The following DNAH12 variants were observed in gnomAD, a reference collection of about 807,000 sequenced individuals.
DNAH12 encodes the protein axonemal beta dynein heavy chain 12.
In DNAH12, 285 loss-of-function variants were observed where a neutral mutation model predicts 371.5. The observed-to-expected ratio is 0.77, with a 90% CI of 0.70 to 0.85. The LOEUF (loss-of-function observed/expected upper bound fraction) is 0.85, where lower values mean the gene tolerates loss of function less well. Among genes scored for constraint, DNAH12 ranks in the 40% least tolerant of loss-of-function variants. The probability of loss-of-function intolerance (pLI) is 0.00; values close to 1 mark genes in which losing one functional copy is unlikely to be tolerated. For missense variants in DNAH12, 3,611 were observed against 3,689.4 expected, an observed-to-expected ratio of 0.98 and a Z score of 0.55; for synonymous variants, 1,200 against 1,213.0, an observed-to-expected ratio of 0.99 and a Z score of 0.22.
chr3:57,507,387 C>G (rs1480347249), intron 8 of DNAH12, among the ~76,000 whole-genome samples: 1 of 152,034 alleles, frequency 6.6e-6, no homozygotes, highest in Non-Finnish European at 1.5e-5. Flanking sequence ...CCAAATAAAG[C>G]TATAATTAAC....
At position 57,543,448 on chromosome 3, in the gene DNAH12, G is replaced by A. The variant is rs139777141; in HGVS notation, c.-33-545C>T. ...AGTGGTTCTCCTGCTTCAGCCTCCCGAGTAGCTAGGACTACAGGTGCGCAA... is the reference window on the plus strand; with the variant it reads ...AGTGGTTCTCCTGCTTCAGCCTCCCAAGTAGCTAGGACTACAGGTGCGCAA... On this transcript the variant is annotated intron_variant, in intron 1 of 73. Transcript: ENST00000495027. 1.5e-3 allele frequency among the ~76,000 whole-genome samples: 222 copies of A among 145,190 alleles called. 1 individual carries two copies. The highest frequency in any genetic ancestry group is 5.5e-3 in the African/African-American group (215 of 38,780).
chr3:57,432,446 C>G (rs1412387335), intron 32 of DNAH12, among the ~76,000 whole-genome samples: 1 of 151,644 alleles, frequency 6.6e-6, no homozygotes, highest in Non-Finnish European at 1.5e-5. Context: ...TCCCAAAGTG[C>G]TGGGATAACA....
At chr3:57,414,509 A>G (rs2064304254) in intron 38 of DNAH12, among the ~76,000 whole-genome samples, 1 of 152,096 alleles carries the variant, frequency 6.6e-6, no homozygotes, top group Non-Finnish European at 1.5e-5. Flanking sequence ...ATAGTACCCA[A>G]TAGGCAGTTT....
intron 5 of DNAH12, among the ~76,000 whole-genome samples, chr3:57,510,390 G>A (rs541962373): frequency 1.3e-5 from 2 of 152,262 alleles, no homozygotes; most frequent in East Asian, 3.9e-4. Context: ...TGTAATCCCA[G>A]CACTTTGGGA....
chr3:57,486,090 A>T (rs1420122634), intron 12 of DNAH12, among the ~76,000 whole-genome samples: 1 of 151,524 alleles, frequency 6.6e-6, no homozygotes, highest in African/African-American at 2.4e-5. Context: ...ATGGTGGCAC[A>T]TGCCTGCAGC....
At chr3:57,409,285 T>C (rs1553682314) in intron 39 of DNAH12, among the ~76,000 whole-genome samples, 1 of 152,076 alleles carries the variant, frequency 6.6e-6, no homozygotes, top group African/African-American at 2.4e-5. Context: ...GAGGCTGGGG[T>C]AGGAGTCTAT....
intron 19 of DNAH12, 46 bp from the exon 20 acceptor site, chr3:57,459,832 G>T: frequency 7.9e-7 from 1 of 1,268,452 alleles, no homozygotes; most frequent in Non-Finnish European, 1.0e-6. Context: ...TTAAAGAAAG[G>T]CTATAAATTA....
intron 40 of DNAH12, among the ~76,000 whole-genome samples, chr3:57,406,373 A>G (rs2064028741): frequency 6.7e-6 from 1 of 149,410 alleles, no homozygotes; most frequent in Admixed American, 6.7e-5. Context: ...AAAAAAAAAG[A>G]AAAAAAAAGA....
At chr3:57,324,412 CATG>C (rs1456015364) in intron 62 of DNAH12, among the ~76,000 whole-genome samples, 2 of 152,078 alleles carry the variant, frequency 1.3e-5, no homozygotes, top group Admixed American at 1.3e-4. Flanking sequence ...CCTGGGAGGC[CATG>C]ATATCTTGAT....
chr3:57,498,160 A>T (rs2067381477), intron 11 of DNAH12: 1 of 221,976 alleles, frequency 4.5e-6, no homozygotes, highest in African/African-American at 2.3e-5. Context: ...AAAAAGACTG[A>T]TAATCTAGAT....
chr3:57,301,693 C>G (rs2061349271), intron 70 of DNAH12, 42 bp downstream of exon 70: 2 of 1,083,018 alleles, frequency 1.8e-6, no homozygotes, highest in Middle Eastern at 2.4e-4. Flanking sequence ...CACACACACA[C>G]ACACACACAC....
rs72869863 is a variant in DNAH12 at position 57,503,989 on chromosome 3, C to A, written c.1086+27G>T. 1.6e-3 allele frequency: 2,453 copies of A among 1,580,208 alleles called. 25 individuals carry two copies. The African/African-American group carries it at 0.027, about 17-fold the overall frequency. ...GATTCAATTCAAATAATTTAAAATT[C>A]TTTCCCGATGGGTAAAGATGTAATA... is the stretch of plus-strand genomic sequence containing the variant. On this transcript the variant is annotated intron_variant, in intron 9 of 73. Transcript: ENST00000495027.
intron 67 of DNAH12, among the ~76,000 whole-genome samples, chr3:57,310,480 T>C (rs976951569): frequency 3.9e-5 from 6 of 152,172 alleles, no homozygotes; most frequent in Non-Finnish European, 8.8e-5. Flanking sequence ...TTTCCTTTCC[T>C]ACAATACATG....
intron 19 of DNAH12, among the ~76,000 whole-genome samples, chr3:57,460,709 A>ATACCG (rs2153376937): frequency 6.6e-6 from 1 of 152,336 alleles, no homozygotes; most frequent in Admixed American, 6.5e-5. Context: ...CTATAAAACA[A>ATACCG]TAAATAAATC....
intron 45 of DNAH12, among the ~76,000 whole-genome samples, chr3:57,387,810 C>T (rs979440825): frequency 1.4e-4 from 21 of 152,088 alleles, no homozygotes; most frequent in Non-Finnish European, 2.9e-4. Context: ...AATGGCACTC[C>T]AGCAGCCACC....
At chr3:57,416,619 G>A (rs1354147991) in intron 37 of DNAH12, among the ~76,000 whole-genome samples, 1 of 152,176 alleles carries the variant, frequency 6.6e-6, no homozygotes, top group African/African-American at 2.4e-5. Context: ...CTGTTTCCCA[G>A]TGATCTCAAT....
chr3:57,407,396 G>A (rs2064071799), intron 40 of DNAH12, among the ~76,000 whole-genome samples: 1 of 151,746 alleles, frequency 6.6e-6, no homozygotes, highest in African/African-American at 2.4e-5. Context: ...GAAATATTAT[G>A]TTTTATAAAT....
At position 57,352,201 on chromosome 3, in the gene DNAH12, C is replaced by A. The variant is rs781979957; in HGVS notation, c.9558G>T (p.Lys3186Asn). The change falls in exon 60 of 74, where the codon AAG becomes AAT. Residue 3186 changes from lysine to asparagine, a missense_variant. Lys to Asn is a moderately conservative substitution (Grantham distance 94). Transcript: ENST00000495027. ...HDSNKSKILE[K>N]RLRYLNDHFT... ...AGTGGTCATTTAAATATCGTAGGCGCTTTTCCAAAATCTTGGATTTGTTAC... is the reference window on the plus strand; with the variant it reads ...AGTGGTCATTTAAATATCGTAGGCGATTTTCCAAAATCTTGGATTTGTTAC... 1.4e-5 allele frequency: 22 copies of A among 1,532,796 alleles called. No homozygotes were observed. In the Middle Eastern group the frequency reaches 1.4e-3, roughly 95 times the overall value. The allele number at this position is 1,532,796 out of a possible 1,614,324, so 94.9% of individuals were successfully genotyped here.
Position 57,322,366 on chromosome 3 carries a change from T to TG in DNAH12, c.10500dup (p.Lys3501GlnfsTer42). 1 of 1,551,582 alleles carries TG rather than the reference T, an allele frequency of 6.4e-7. No individual in the cohort carries two copies. Among genetic ancestry groups the TG allele is most frequent in the Non-Finnish European group, 8.7e-7 (1 of 1,146,898 alleles). On this transcript the variant is annotated frameshift_variant, in exon 65 of 74. Transcript: ENST00000495027. LOFTEE classifies it high-confidence loss of function. ...ACCAGTTCCTTTCCACGGCATCCCT[T>TG]GAAAAACTCAGGATCAGAAACTGGA... is the stretch of plus-strand genomic sequence containing the variant.
Sources: gnomAD v4.1 joint callset for allele counts (sites outside exome capture counted in the v4.1 genomes callset) on GRCh38, gnomAD v4.1.1 for gene constraint, MANE v1.5 for transcripts, NCBI Gene and HGNC (gene_info 2026-07-23, HGNC 2026-07-21) for gene names.